Variants in ASXL2 observed in about 807,000 individuals in gnomAD.
The protein encoded by ASXL2 is ASXL transcriptional regulator 2, also known as putative Polycomb group protein ASXL2.
Under a neutral mutation model 122.0 loss-of-function variants are expected in ASXL2, and 23 were observed. That is an observed-to-expected ratio of 0.19 (90% CI 0.14 to 0.27). ASXL2 has a LOEUF of 0.27. ASXL2 is among the 10% of genes least tolerant of loss of function. The pLI, the probability that ASXL2 is intolerant of heterozygous loss-of-function variation, is 1.00. For missense variants in ASXL2, 1,518 were observed against 1,713.8 expected (o/e 0.89, Z 2.02); for synonymous variants, 650 against 637.0 (o/e 1.02, Z -0.31).
At chr2:25,840,676 A>G (rs1260519860) in intron 2 of ASXL2, among the ~76,000 whole-genome samples, 15 of 152,340 alleles carry the variant, frequency 9.8e-5, no homozygotes, top group Non-Finnish European at 2.9e-5. Flanking sequence ...AGGTTCATCC[A>G]TACTGTAGCA....
chr2:25,806,919 A>G (rs1167771049), intron 3 of ASXL2, among the ~76,000 whole-genome samples: 10 of 151,774 alleles, frequency 6.6e-5, no homozygotes, highest in Admixed American at 2.0e-4. Flanking sequence ...ATAATAATCT[A>G]TAGAAAAATA....
intron 12 of ASXL2, 40 bp downstream of exon 12, chr2:25,749,656 C>T: frequency 6.9e-7 from 1 of 1,452,942 alleles, no homozygotes; most frequent in Non-Finnish European, 9.1e-7. Context: ...ACATAGGGTT[C>T]AGACGATCTC....
chr2:25,806,468 A>C, intron 3 of ASXL2, 131 bp from the exon 4 acceptor site: 1 of 554,876 alleles, frequency 1.8e-6, no homozygotes, highest in Non-Finnish European at 3.1e-6. Context: ...ATAAACTATA[A>C]GAAGTCTACC....
intron 5 of ASXL2, among the ~76,000 whole-genome samples, chr2:25,772,218 C>A (rs1391485776): frequency 6.6e-6 from 1 of 151,994 alleles, no homozygotes; most frequent in East Asian, 1.9e-4. Flanking sequence ...TATTTATGTT[C>A]TATAAAATTA....
At chr2:25,760,263 A>G (rs1053413611) in intron 8 of ASXL2, among the ~76,000 whole-genome samples, 3 of 152,196 alleles carry the variant, frequency 2.0e-5, no homozygotes, top group Non-Finnish European at 4.4e-5. Context: ...GCTCTTCTTC[A>G]TATGAAAACA....
chr2:25,845,025 C>T (rs932960443), intron 2 of ASXL2, among the ~76,000 whole-genome samples: 6 of 152,158 alleles, frequency 3.9e-5, no homozygotes, highest in African/African-American at 1.4e-4. Context: ...TATATTTGAA[C>T]ATGTTAAGAC....
chr2:25,782,299 C>T (rs1384882857), intron 5 of ASXL2, among the ~76,000 whole-genome samples: 2 of 152,070 alleles, frequency 1.3e-5, no homozygotes, highest in Non-Finnish European at 2.9e-5. Flanking sequence ...AATCCCAGCA[C>T]TTTGGGAGGC....
intron 1 of ASXL2, among the ~76,000 whole-genome samples, chr2:25,850,071 G>C (rs1025461357): frequency 6.6e-6 from 1 of 151,890 alleles, no homozygotes; most frequent in Non-Finnish European, 1.5e-5. Flanking sequence ...GGCCTATCTT[G>C]TTTCCTCCAT....
rs1254701519 is a variant in ASXL2, at chr2:25,867,500, A to T, written c.57+10666T>A. Among the ~76,000 whole-genome samples, 3 of 152,150 alleles carry T rather than the reference A, an allele frequency of 2.0e-5. No homozygotes were observed. The East Asian group carries it at 5.8e-4, about 29-fold the overall frequency. On this transcript the variant is annotated intron_variant, in intron 1 of 12. Coordinates refer to ENST00000435504, the MANE Select transcript of ASXL2 (RefSeq NM_018263.6). Reference sequence around the variant, plus strand: ...AGCTGCAAGTGGGATAAGTATAGGTAAAAAAAGGTATGCAATGAGAAAAAT... The same window carrying T: ...AGCTGCAAGTGGGATAAGTATAGGTTAAAAAAGGTATGCAATGAGAAAAAT...
intron 5 of ASXL2, among the ~76,000 whole-genome samples, chr2:25,788,855 T>C (rs2088788521): frequency 6.6e-6 from 1 of 152,198 alleles, no homozygotes; most frequent in African/African-American, 2.4e-5. Flanking sequence ...AACTTCTCTG[T>C]GGCTTGCCTT....
At chr2:25,786,796 A>C (rs1277705216) in intron 5 of ASXL2, among the ~76,000 whole-genome samples, 1 of 151,926 alleles carries the variant, frequency 6.6e-6, no homozygotes, top group African/African-American at 2.4e-5. Flanking sequence ...TGGAGGTTGC[A>C]GTGAGCCGAG....
rs1341811575 is a variant in ASXL2 at position 25,741,277 on chromosome 2, A to G, written c.*752T>C. 8.9e-6 allele frequency: 2 copies of G among 224,768 alleles called. No homozygotes were observed. Among genetic ancestry groups the G allele is most frequent in the Non-Finnish European group, 1.8e-5 (2 of 112,926 alleles). The allele number at this position is 224,768 out of a possible 1,614,324, so 13.9% of individuals were successfully genotyped here. On this transcript the variant is annotated 3_prime_UTR_variant, in exon 13 of 13. Coordinates refer to ENST00000435504, the MANE Select transcript of ASXL2 (RefSeq NM_018263.6). ...TCCCAGAGAGGCACTCCCTTCACGG[A>G]CTACATTCACTGTCTCAGGGCAGGG...
chr2:25,851,799 G>A (rs578146069), intron 1 of ASXL2, among the ~76,000 whole-genome samples: 7 of 152,166 alleles, frequency 4.6e-5, no homozygotes, highest in African/African-American at 9.7e-5. Flanking sequence ...GCTGAGGCAC[G>A]AGAACCGCTT....
intron 1 of ASXL2, among the ~76,000 whole-genome samples, chr2:25,858,143 T>C (rs1468015374): frequency 6.6e-6 from 1 of 152,202 alleles, no homozygotes; most frequent in African/African-American, 2.4e-5. Context: ...TGTTTGCAAA[T>C]TGATCCTACC....
In ASXL2 at chr2:25,736,102, T is replaced by C. The variant is rs2087731069; in HGVS notation, c.*5927A>G. 1 of 152,222 alleles carries C rather than the reference T, an allele frequency of 6.6e-6. No individual in the cohort carries two copies. The highest frequency in any genetic ancestry group is 1.5e-5 in the Non-Finnish European group (1 of 68,028). The allele number at this position is 152,222 out of a possible 1,614,324, so 9.4% of individuals were successfully genotyped here. On this transcript the variant is annotated 3_prime_UTR_variant, in exon 13 of 13. Coordinates refer to ENST00000435504, the MANE Select transcript of ASXL2 (RefSeq NM_018263.6). ...CTCTATAAATACTTGAATTAGTAAA[T>C]AACATGATTTGTACATAAAAAGTTA...
chr2:25,864,972 C>T (rs2089884696), intron 1 of ASXL2, among the ~76,000 whole-genome samples: 1 of 151,802 alleles, frequency 6.6e-6, no homozygotes, highest in South Asian at 2.1e-4. Context: ...CAGGCGCCTG[C>T]CACCGCACCT....
intron 3 of ASXL2, among the ~76,000 whole-genome samples, chr2:25,834,213 G>A (rs936012481): frequency 1.3e-5 from 2 of 151,882 alleles, no homozygotes; most frequent in African/African-American, 2.4e-5. Flanking sequence ...AGTAGCCGGG[G>A]TTGGTGGCAG....
chr2:25,833,273 A>C (rs2089474720), intron 3 of ASXL2, among the ~76,000 whole-genome samples: 1 of 152,208 alleles, frequency 6.6e-6, no homozygotes, highest in African/African-American at 2.4e-5. Context: ...GAGAATCTGC[A>C]TAAAAGGTTA....
At chr2:25,877,798 T>C (rs1385709251) in intron 1 of ASXL2, among the ~76,000 whole-genome samples, 1 of 152,152 alleles carries the variant, frequency 6.6e-6, no homozygotes, top group Non-Finnish European at 1.5e-5. Flanking sequence ...CTGCATCCAA[T>C]GGGGGCTCTC....
Sources: gnomAD v4.1 joint callset for allele counts (sites outside exome capture counted in the v4.1 genomes callset) on GRCh38, gnomAD v4.1.1 for gene constraint, MANE v1.5 for transcripts, NCBI Gene and HGNC (gene_info 2026-07-23, HGNC 2026-07-21) for gene names.